The following MLKL variants were observed in gnomAD, a reference collection of about 807,000 sequenced individuals.
MLKL encodes mixed lineage kinase domain like pseudokinase.
A neutral mutation model predicts 56.5 loss-of-function variants in MLKL; 55 were observed. The observed-to-expected ratio is 0.97, with a 90% CI of 0.78 to 1.22. MLKL has a LOEUF of 1.22. MLKL is among the 50% of genes most tolerant of loss of function. The pLI, the probability that MLKL is intolerant of heterozygous loss-of-function variation, is 0.00. For missense variants in MLKL, 694 were observed against 573.9 expected (o/e 1.21, Z -2.14); for synonymous variants, 251 against 208.3 (o/e 1.20, Z -1.76).
intron 3 of MLKL, 34 bp from the exon 4 acceptor site, chr16:74,691,497 G>C (rs752350717): frequency 4.4e-6 from 7 of 1,594,816 alleles, no homozygotes; most frequent in Non-Finnish European, 6.0e-6. Context: ...GAAGACAAAA[G>C]AGTCAATGAG....
chr16:74,695,811 A>T (rs1961004661), intron 1 of MLKL, 52 bp from the exon 2 acceptor site: 7 of 1,458,606 alleles, frequency 4.8e-6, no homozygotes, highest in Non-Finnish European at 6.5e-6. Context: ...CTGCATATTC[A>T]CTACTTGGCT....
chr16:74,676,306 G>A (rs765036317), intron 7 of MLKL: 105 of 985,964 alleles, frequency 1.1e-4, no homozygotes, highest in Non-Finnish European at 1.2e-4. Context: ...GTCACCTGGT[G>A]TTCTTAAAGA....
chr16:74,676,538 TAGCGCCGTATGGGATACC>T, intron 7 of MLKL: 1 of 905,884 alleles, frequency 1.1e-6, no homozygotes, highest in African/African-American at 1.8e-5. Flanking sequence ...CTCTTACATC[TAGCGCCGTATGGGATACC>T]AGGGATGAAA....
intron 6 of MLKL, among the ~76,000 whole-genome samples, chr16:74,679,772 G>A (rs775386090): frequency 2.6e-5 from 4 of 151,960 alleles, no homozygotes; most frequent in Non-Finnish European, 5.9e-5. Flanking sequence ...CCGAGATCAC[G>A]CCACTATACT....
chr16:74,688,778 T>C (rs1262648203), intron 4 of MLKL, among the ~76,000 whole-genome samples: 1 of 152,126 alleles, frequency 6.6e-6, no homozygotes, highest in East Asian at 1.9e-4. Context: ...TTATTCATAA[T>C]AATCAAAAAG....
chr16:74,679,018 C>T (rs752088610), intron 6 of MLKL, 38 bp from the exon 7 acceptor site: 1 of 1,546,498 alleles, frequency 6.5e-7, no homozygotes, highest in Admixed American at 1.7e-5. Context: ...AGTACCTTTG[C>T]CCAAACTTTC....
intron 7 of MLKL, chr16:74,676,292 C>T (rs1959592287): frequency 2.0e-6 from 2 of 986,572 alleles, no homozygotes; most frequent in Non-Finnish European, 1.2e-6. Context: ...CCCAGGCCTG[C>T]GCGGTCACCT....
intron 5 of MLKL, among the ~76,000 whole-genome samples, chr16:74,683,689 G>A (rs770891411): frequency 7.3e-5 from 11 of 151,704 alleles, no homozygotes; most frequent in Admixed American, 2.0e-4. Flanking sequence ...GTTATTTGGC[G>A]AATGTCTTCC....
intron 3 of MLKL, 95 bp from the exon 4 acceptor site, chr16:74,691,558 A>G (rs1960682110): frequency 7.5e-7 from 1 of 1,339,194 alleles, no homozygotes; most frequent in Non-Finnish European, 1.0e-6. Context: ...TGTGAGTGGG[A>G]AGCTCTACTA....
rs1485076407 is a variant in MLKL, at chr16:74,695,626, C to A, written c.132G>T (p.Met44Ile). 2 of 1,614,206 alleles carry A rather than the reference C, an allele frequency of 1.2e-6. No homozygotes were observed. Among genetic ancestry groups the A allele is most frequent in the Non-Finnish European group, 1.7e-6 (2 of 1,180,048 alleles). The change falls in exon 2 of 11, where the codon ATG (methionine) becomes ATT (isoleucine). Residue 44 changes from methionine to isoleucine, a missense_variant. Met to Ile is a conservative substitution (Grantham distance 10). Transcript: ENST00000308807. ...RVLGLIKPLE[M>I]LQDQGKRSVP... ...CGCTCCTCTTTCCTTGGTCCTGGAGCATCTCCAGAGGCTTGATCAGGCCGA... is the reference window on the plus strand; with the variant it reads ...CGCTCCTCTTTCCTTGGTCCTGGAGAATCTCCAGAGGCTTGATCAGGCCGA...
intron 1 of MLKL, among the ~76,000 whole-genome samples, chr16:74,696,919 TACATTACATATATATAGTAATATATATA>T (rs1414608099): frequency 0.031 from 4,534 of 146,628 alleles, 210 homozygotes; most frequent in African/African-American, 0.097. Flanking sequence ...AAAAATGTAA[TACATTACATATATATAGTAATATATATA>T]ATATTACATA....
chr16:74,674,917 A>T, intron 10 of MLKL, 43 bp downstream of exon 10: 1 of 1,583,936 alleles, frequency 6.3e-7, no homozygotes, highest in Non-Finnish European at 8.6e-7. Flanking sequence ...CAAGTGTGAA[A>T]TAATGATGGG....
intron 6 of MLKL, among the ~76,000 whole-genome samples, chr16:74,680,000 T>G (rs1567603957): frequency 2.0e-5 from 3 of 152,066 alleles, no homozygotes; most frequent in Non-Finnish European, 4.4e-5. Context: ...CACCTCAGAG[T>G]GTGTCCCACA....
At chr16:74,685,841 A>G (rs908892096) in intron 4 of MLKL, among the ~76,000 whole-genome samples, 5 of 152,218 alleles carry the variant, frequency 3.3e-5, no homozygotes, top group African/African-American at 1.2e-4. Context: ...ATAGTCTGAT[A>G]GAATTGTATT....
At chr16:74,679,182 G>A (rs1297093819) in intron 6 of MLKL, among the ~76,000 whole-genome samples, 2 of 152,102 alleles carry the variant, frequency 1.3e-5, no homozygotes, top group Non-Finnish European at 2.9e-5. Flanking sequence ...TAGCACAAGG[G>A]GGCATGACAG....
intron 4 of MLKL, among the ~76,000 whole-genome samples, chr16:74,688,828 G>C (rs1000645341): frequency 6.6e-6 from 1 of 152,188 alleles, no homozygotes; most frequent in African/African-American, 2.4e-5. Flanking sequence ...TAATGGATAA[G>C]TAGGATATCC....
At chr16:74,676,589 T>A in intron 7 of MLKL, 1 of 489,286 alleles carries the variant, frequency 2.0e-6, no homozygotes, top group Non-Finnish European at 2.7e-6. Context: ...CATCTTATAG[T>A]CAGGCTGCAT....
rs1430372623 is a variant in MLKL at position 74,672,003 on chromosome 16, A to G, written c.*501T>C. On this transcript the variant is annotated 3_prime_UTR_variant, in exon 11 of 11. Transcript: ENST00000308807. ...TGGTTGGGCTAGTATGACTTCAGCT[A>G]GGAAAGCATGTTTCTGCTTCATGTG... is the stretch of plus-strand genomic sequence containing the variant. 2.0e-5 allele frequency: 3 copies of G among 152,898 alleles called. No individual in the cohort carries two copies. The highest frequency in any genetic ancestry group is 6.5e-5 in the Admixed American group (1 of 15,380). 9.5% of individuals were successfully genotyped at this position (152,898 alleles called of 1,614,324 possible). A position where few individuals can be genotyped will look rare whatever the true frequency, so the allele number is the denominator to read the frequency against.
chr16:74,683,736 T>A (rs1960141580), intron 5 of MLKL, among the ~76,000 whole-genome samples: 1 of 152,178 alleles, frequency 6.6e-6, no homozygotes, highest in South Asian at 2.1e-4. Flanking sequence ...AGGAAATGTG[T>A]CTGTCTTGTT....
Sources: allele counts gnomAD v4.1 joint callset (sites outside exome capture counted in the v4.1 genomes callset), GRCh38; gene constraint gnomAD v4.1.1; transcripts MANE v1.5; gene names NCBI Gene and HGNC (gene_info 2026-07-23, HGNC 2026-07-21).